Variants in PCDH11X observed in about 807,000 individuals in gnomAD.
PCDH11X encodes protocadherin 11 X-linked.
PCDH11X carries 18 observed loss-of-function variants against 53.3 expected under a neutral mutation model. That is an observed-to-expected ratio of 0.34 (90% CI 0.23 to 0.50). The LOEUF (loss-of-function observed/expected upper bound fraction) is 0.50, where lower values mean the gene tolerates loss of function less well. Ranked by LOEUF, PCDH11X falls within the 20% of genes least tolerant of loss-of-function variation. The probability of loss-of-function intolerance (pLI) is 0.98; values close to 1 mark genes in which losing one functional copy is unlikely to be tolerated. For missense variants in PCDH11X, 570 were observed against 1,032.4 expected (o/e 0.55, Z 6.14); for synonymous variants, 279 against 393.3 (o/e 0.71, Z 3.44).
chrX:92,080,456 C>G (rs1171279873), intron 6 of PCDH11X, among the ~76,000 whole-genome samples: 1 of 111,339 alleles, frequency 9.0e-6, no homozygotes, highest in East Asian at 2.8e-4. Flanking sequence ...CAAATGAGAA[C>G]AATACCTTAG....
rs369809902 is a variant in PCDH11X at position 91,823,426 on chromosome X, G to T, written c.-44-12035G>T. Among the ~76,000 whole-genome samples the T allele has an allele frequency of 7.2e-5, 8 of 110,471 alleles. No homozygotes were observed. The South Asian group carries it at 1.6e-3, about 22-fold the overall frequency. On this transcript the variant is annotated intron_variant, in intron 4 of 10. Transcript: ENST00000682573. Reference sequence around the variant, plus strand: ...TTGAATTGATCCCTTTACCATTATGGAATGGCCTTCTTTGTCTCTTTTGAT... The same window carrying T: ...TTGAATTGATCCCTTTACCATTATGTAATGGCCTTCTTTGTCTCTTTTGAT...
chrX:91,959,676 CTTCA>C (rs755987337), intron 6 of PCDH11X, among the ~76,000 whole-genome samples: 1 of 92,424 alleles, frequency 1.1e-5, no homozygotes, highest in East Asian at 3.6e-4. Context: ...TTCTTTCTTT[CTTCA>C]TTCATTCATT....
chrX:92,383,295 T>C (rs1425942581), intron 8 of PCDH11X, among the ~76,000 whole-genome samples: 10 of 99,879 alleles, frequency 1.0e-4, no homozygotes, highest in African/African-American at 3.6e-4. Context: ...ATGATTAGTT[T>C]ATCATTCTTA....
chrX:91,892,733 G>A (rs1411388518), intron 6 of PCDH11X, among the ~76,000 whole-genome samples: 3 of 105,741 alleles, frequency 2.8e-5, no homozygotes, highest in Non-Finnish European at 3.9e-5. Flanking sequence ...ACGGAATCTC[G>A]CTCTGTTGCC....
chrX:92,051,164 G>A (rs1198331656), intron 6 of PCDH11X, among the ~76,000 whole-genome samples: 1 of 111,508 alleles, frequency 9.0e-6, no homozygotes, highest in Non-Finnish European at 1.9e-5. Context: ...TCAATTCCAA[G>A]CACTAAACCA....
intron 6 of PCDH11X, among the ~76,000 whole-genome samples, chrX:91,964,643 C>A (rs2061840048): frequency 8.9e-6 from 1 of 112,376 alleles, no homozygotes; most frequent in South Asian, 3.6e-4. Context: ...TTTACATTAT[C>A]TTTTCTATTT....
At chrX:92,517,136 TAAC>T in intron 10 of PCDH11X, among the ~76,000 whole-genome samples, 1 of 111,614 alleles carries the variant, frequency 9.0e-6, no homozygotes, top group South Asian at 3.8e-4. Flanking sequence ...GGAGAATAGA[TAAC>T]AATAATCTGA....
chrX:92,476,074 A>T (rs1186409194), intron 10 of PCDH11X, among the ~76,000 whole-genome samples: 1 of 111,085 alleles, frequency 9.0e-6, no homozygotes, highest in Non-Finnish European at 1.9e-5. Flanking sequence ...AATCATGGGG[A>T]TGGGCTTTTC....
intron 7 of PCDH11X, among the ~76,000 whole-genome samples, chrX:92,255,269 C>T (rs868719992): frequency 0.013 from 1,328 of 103,205 alleles, 5 homozygotes; most frequent in Non-Finnish European, 0.018. Flanking sequence ...ACGTAGTTCT[C>T]GAGCCTTGGT....
At chrX:92,273,433 T>C (rs2068003965) in intron 8 of PCDH11X, among the ~76,000 whole-genome samples, 1 of 111,673 alleles carries the variant, frequency 9.0e-6, no homozygotes, top group South Asian at 3.8e-4. Flanking sequence ...CTTTTGTGAT[T>C]CTTCAGTTAC....
At chrX:92,568,672 A>G (rs1921817209) in intron 10 of PCDH11X, among the ~76,000 whole-genome samples, 1 of 110,269 alleles carries the variant, frequency 9.1e-6, no homozygotes, top group Admixed American at 9.7e-5. Context: ...ATCTTTAAAT[A>G]CTATTTATTC....
intron 8 of PCDH11X, among the ~76,000 whole-genome samples, chrX:92,300,321 A>G (rs2068695129): frequency 9.0e-6 from 1 of 111,294 alleles, no homozygotes; most frequent in African/African-American, 3.3e-5. Context: ...TCGCTGGGAT[A>G]CTACTGTGTT....
intron 6 of PCDH11X, among the ~76,000 whole-genome samples, chrX:91,925,536 C>T (rs1358362158): frequency 2.7e-5 from 3 of 111,022 alleles, no homozygotes; most frequent in African/African-American, 9.8e-5. Context: ...AAACAGATTT[C>T]CCTATCTCAC....
chrX:91,953,967 CTTTAT>C (rs760700697), intron 6 of PCDH11X, among the ~76,000 whole-genome samples: 9 of 109,984 alleles, frequency 8.2e-5, no homozygotes, highest in Admixed American at 1.9e-4. Flanking sequence ...TTTTCTTCAA[CTTTAT>C]TTTAAGTTCA....
At position 91,988,269 on chromosome X, in the gene PCDH11X, C is replaced by T. The variant is rs181638807; in HGVS notation, c.3033+108996C>T. On this transcript the variant is annotated intron_variant, in intron 6 of 10. Transcript: ENST00000682573. ...CCTCTCTTTGAATCTTCTATGTTCT[C>T]TTCCTCTTTTTCCCATATCTAGTCC... is the stretch of plus-strand genomic sequence containing the variant. 3.6e-3 allele frequency among the ~76,000 whole-genome samples: 392 copies of T among 109,483 alleles called. 1 individual carries two copies. The highest frequency in any genetic ancestry group is 0.012 in the African/African-American group (368 of 30,059).
At chrX:91,965,921 C>G (rs1259901920) in intron 6 of PCDH11X, among the ~76,000 whole-genome samples, 2 of 111,573 alleles carry the variant, frequency 1.8e-5, no homozygotes, top group Non-Finnish European at 3.8e-5. Context: ...CAAGTATTAC[C>G]AAGGAAGAAG....
chrX:92,189,533 A>C (rs1212151671), intron 6 of PCDH11X, among the ~76,000 whole-genome samples: 1 of 111,638 alleles, frequency 9.0e-6, no homozygotes, highest in East Asian at 2.8e-4. Flanking sequence ...ATACATGTGC[A>C]TGTATCTTTA....
In PCDH11X at chrX:92,011,167, A is replaced by G. The variant is rs1210061086; in HGVS notation, c.3033+131894A>G. On this transcript the variant is annotated intron_variant, in intron 6 of 10. Transcript: ENST00000682573. ...TGATTCCATGTTTTTGCTATTGGGAATAGTGCTGTAATGAACATACACATG... is the reference window on the plus strand; with the variant it reads ...TGATTCCATGTTTTTGCTATTGGGAGTAGTGCTGTAATGAACATACACATG... 4.5e-5 allele frequency among the ~76,000 whole-genome samples: 5 copies of G among 112,241 alleles called. No individual in the cohort carries two copies. The South Asian group carries it at 1.5e-3, about 34-fold the overall frequency.
At chrX:92,282,383 A>G (rs2068270499) in intron 8 of PCDH11X, among the ~76,000 whole-genome samples, 1 of 111,512 alleles carries the variant, frequency 9.0e-6, no homozygotes, top group African/African-American at 3.2e-5. Context: ...CCCTAGTTCA[A>G]TCTTTGAAAA....
Sources: gnomAD v4.1 joint callset for allele counts (sites outside exome capture counted in the v4.1 genomes callset) on GRCh38, gnomAD v4.1.1 for gene constraint, MANE v1.5 for transcripts, NCBI Gene and HGNC (gene_info 2026-07-23, HGNC 2026-07-21) for gene names.